CPZ: variants seen among roughly 807,000 people sequenced by gnomAD.
CPZ encodes VEZT/CPZ fusion.
In CPZ, 103 loss-of-function variants were observed where a neutral mutation model predicts 61.8. That is an observed-to-expected ratio of 1.67 (90% CI 1.42 to 1.96). CPZ has a LOEUF of 1.96. Ranked by LOEUF, CPZ falls within the 30% of genes most tolerant of loss-of-function variation. The pLI is 0.00. For missense variants in CPZ, 1,461 were observed against 914.9 expected, an observed-to-expected ratio of 1.60 and a Z score of -7.70; for synonymous variants, 551 against 373.7, an observed-to-expected ratio of 1.47 and a Z score of -5.47.
At position 8,601,472 on chromosome 4, in the gene CPZ, C is replaced by T; in HGVS notation, c.471C>T (p.Cys157=). 6.7e-7 allele frequency: 1 copy of T among 1,498,980 alleles called. No individual in the cohort carries two copies. The highest frequency in any genetic ancestry group is 8.9e-7 in the Non-Finnish European group (1 of 1,122,448). The allele number at this position is 1,498,980 out of a possible 1,614,324, so 92.9% of individuals were successfully genotyped here. ...ACTTCACGAGAGAGGACGAGGGCTG[C>T]TATGACCCGCTGGAGAAGCTTCGGG... ...HRYFTREDEG[C]YDPLEKLRGG... Residue 157 remains cysteine, a synonymous_variant, in exon 3 of 11, where the codon TGC becomes TGT. Transcript: ENST00000360986.
At chr4:8,604,265 G>C in intron 4 of CPZ, 77 bp downstream of exon 4, 1 of 1,376,636 alleles carries the variant, frequency 7.3e-7, no homozygotes, top group Non-Finnish European at 9.7e-7. Flanking sequence ...GGGTGCACAA[G>C]TTGGTGGGGT....
At position 8,601,126 on chromosome 4, in the gene CPZ, C is replaced by G. The variant is rs1485998716; in HGVS notation, c.125C>G (p.Thr42Ser). Residue 42 changes from threonine to serine, a missense_variant, in exon 3 of 11, where the codon ACC becomes AGC. Thr to Ser is a moderately conservative substitution (Grantham distance 58). Coordinates refer to ENST00000360986, the MANE Select transcript of CPZ (RefSeq NM_001014447.3). ...CHRPPAADSATCVDLQLRTCS... is the reference protein window; with the variant it reads ...CHRPPAADSASCVDLQLRTCS... Reference sequence around the variant, plus strand: ...CCTGCCGACCCTGCCTCCCCAGCCACCTGCGTGGACCTGCAGCTCAGGACC... The same window carrying G: ...CCTGCCGACCCTGCCTCCCCAGCCAGCTGCGTGGACCTGCAGCTCAGGACC... 1.9e-6 allele frequency: 3 copies of G among 1,566,802 alleles called. No individual in the cohort carries two copies. The highest frequency in any genetic ancestry group is 8.7e-7 in the Non-Finnish European group (1 of 1,150,408).
rs143201343 is a variant in CPZ at position 8,605,570 on chromosome 4, TCCATCCAG to T, written c.710-407_710-400del. 9.8e-3 allele frequency among the ~76,000 whole-genome samples: 1,473 copies of T among 150,880 alleles called. 19 individuals carry two copies. The highest frequency in any genetic ancestry group is 0.024 in the Middle Eastern group (7 of 286). The stretch of plus-strand genomic sequence containing the variant: ...CATTCATCCATCATTGATATATCTA[TCCATCCAG>T]CCATCCAGCCAGCCATTATTCATCC... On this transcript the variant is annotated intron_variant, in intron 4 of 10. Transcript: ENST00000360986.
At chr4:8,611,187 C>T (rs1411412972) in intron 7 of CPZ, 3 of 455,378 alleles carry the variant, frequency 6.6e-6, no homozygotes, top group Non-Finnish European at 1.3e-5. Flanking sequence ...TCAGCACAGA[C>T]CTGTCCTGCT....
intron 6 of CPZ, 88 bp downstream of exon 6, chr4:8,606,986 G>T: frequency 1.4e-6 from 2 of 1,424,302 alleles, no homozygotes; most frequent in Non-Finnish European, 1.9e-6. Context: ...GTCCTTCCCT[G>T]GGGACAGGAG....
intron 9 of CPZ, 96 bp downstream of exon 9, chr4:8,614,594 C>G (rs1445186946): frequency 1.1e-5 from 14 of 1,288,778 alleles, no homozygotes; most frequent in Non-Finnish European, 1.5e-5. Flanking sequence ...GCCTCACTGC[C>G]CCATACACAC....
chr4:8,606,060 C>G lies in CPZ; in HGVS notation c.781C>G (p.Leu261Val), dbSNP rs971507813. 1.2e-6 allele frequency: 2 copies of G among 1,614,216 alleles called. No individual in the cohort carries two copies. The highest frequency in any genetic ancestry group is 8.5e-7 in the Non-Finnish European group (1 of 1,180,026). The change falls in exon 5 of 11, where the codon CTA (leucine) becomes GTA (valine). Residue 261 changes from leucine (L) to valine (V), a missense_variant. By Grantham distance (32) the Leu-to-Val change is conservative (BLOSUM62 1). Coordinates refer to ENST00000360986, the MANE Select transcript of CPZ (RefSeq NM_001014447.3). ...EVAGREMLIY[L>V]AQYLCSEYLL... Reference sequence around the variant, plus strand: ...GGCGGGCCGGGAGATGCTCATCTACCTAGCCCAGTACCTGTGCTCTGAGTA... The same window carrying G: ...GGCGGGCCGGGAGATGCTCATCTACGTAGCCCAGTACCTGTGCTCTGAGTA...
Position 8,619,693 on chromosome 4 carries a change from G to T in CPZ, c.*76G>T, listed in dbSNP as rs61482103. On this transcript the variant is annotated 3_prime_UTR_variant, in exon 11 of 11. Transcript: ENST00000360986. ...TCCCGGGCTCCTGGCTCTTGATTTT[G>T]TCTGCCACAGACATCCCACAAAGCC... 6,853 of 1,154,866 alleles carry T rather than the reference G, an allele frequency of 5.9e-3. 326 individuals are homozygous for T. In the African/African-American group the frequency reaches 0.095, roughly 16 times the overall value. 71.5% of individuals were successfully genotyped at this position (1,154,866 alleles called of 1,614,324 possible).
intron 7 of CPZ, among the ~76,000 whole-genome samples, chr4:8,610,337 C>T (rs946932363): frequency 1.3e-5 from 2 of 152,224 alleles, no homozygotes; most frequent in Non-Finnish European, 2.9e-5. Context: ...ATCTGGGCCC[C>T]TGCACCCCAG....
chr4:8,599,210 C>T (rs1434901561), intron 1 of CPZ, among the ~76,000 whole-genome samples: 1 of 152,228 alleles, frequency 6.6e-6, no homozygotes, highest in Non-Finnish European at 1.5e-5. Context: ...GCCACTGACG[C>T]CTGCTGCTGC....
At chr4:8,594,524 C>T in intron 1 of CPZ, among the ~76,000 whole-genome samples, 1 of 152,186 alleles carries the variant, frequency 6.6e-6, no homozygotes, top group East Asian at 1.9e-4. Context: ...TGACCTCATT[C>T]AGGTCTCATC....
At chr4:8,594,594 C>G (rs576662835) in intron 1 of CPZ, among the ~76,000 whole-genome samples, 1 of 152,238 alleles carries the variant, frequency 6.6e-6, no homozygotes, top group African/African-American at 2.4e-5. Flanking sequence ...GGCTGTCACT[C>G]CCCTGTTGAA....
Position 8,619,604 on chromosome 4 carries a change from T to C in CPZ, c.1946T>C (p.Leu649Pro), listed in dbSNP as rs769428369. 2.0e-5 allele frequency: 30 copies of C among 1,505,334 alleles called. No individual in the cohort carries two copies. The highest frequency in any genetic ancestry group is 2.0e-4 in the Middle Eastern group (1 of 4,888). 93.2% of individuals were successfully genotyped at this position (1,505,334 alleles called of 1,614,324 possible). A position where few individuals can be genotyped will look rare whatever the true frequency, so the allele number is the denominator to read the frequency against. ...TSLSTHRPRW[L>P]LKY is the part of the protein sequence containing the mutation. ...CTGAGCACCCACAGGCCACGCTGGC[T>C]GCTCAAGTACTAGCCCCGGCCCCAG... is the stretch of plus-strand genomic sequence containing the variant. Residue 649 changes from leucine to proline, a missense_variant, in exon 11 of 11, where the codon CTG becomes CCG. Leu to Pro is a moderately conservative substitution (Grantham distance 98). Coordinates refer to ENST00000360986, the MANE Select transcript of CPZ (RefSeq NM_001014447.3).
intron 3 of CPZ, among the ~76,000 whole-genome samples, chr4:8,601,762 G>A (rs1405354041): frequency 2.0e-5 from 3 of 152,196 alleles, no homozygotes; most frequent in African/African-American, 7.2e-5. Flanking sequence ...AGGCTGGGGT[G>A]GAAGGGTGCT....
intron 7 of CPZ, 40 bp from the exon 8 acceptor site, chr4:8,611,987 A>AG: frequency 6.2e-7 from 1 of 1,613,076 alleles, no homozygotes; most frequent in Non-Finnish European, 8.5e-7. Flanking sequence ...GACGTCCTGC[A>AG]GGGGACCCTT....
Position 8,614,447 on chromosome 4 carries a change from G to A in CPZ, c.1452G>A (p.Leu484=). 2 of 1,614,044 alleles carry A rather than the reference G, an allele frequency of 1.2e-6. No homozygotes were observed. Among genetic ancestry groups the A allele is most frequent in the Non-Finnish European group, 1.7e-6 (2 of 1,179,974 alleles). Residue 484 remains leucine, a synonymous_variant, in exon 9 of 11, where the codon CTG becomes CTA. Coordinates refer to ENST00000360986, the MANE Select transcript of CPZ (RefSeq NM_001014447.3). ...TGAAGTTCCCCCCCGAGGAGGCCCTGTACATACTCTGGCAGCACAACAAGG... is the reference window on the plus strand; with the variant it reads ...TGAAGTTCCCCCCCGAGGAGGCCCTATACATACTCTGGCAGCACAACAAGG... The part of the protein sequence containing the change: ...GCVKFPPEEA[L]YILWQHNKES...
chr4:8,617,694 C>T (rs949152738), intron 9 of CPZ, among the ~76,000 whole-genome samples: 6 of 152,270 alleles, frequency 3.9e-5, no homozygotes, highest in South Asian at 4.1e-4. Context: ...CCTCGCTGGA[C>T]GGACTCCTCT....
intron 7 of CPZ, among the ~76,000 whole-genome samples, chr4:8,608,278 G>A (rs894559521): frequency 5.9e-5 from 9 of 152,016 alleles, no homozygotes; most frequent in Non-Finnish European, 1.2e-4. Flanking sequence ...CAGGCTTCGC[G>A]TGGAGAGCCA....
chr4:8,606,698 T>G (rs746004622), intron 5 of CPZ, 39 bp from the exon 6 acceptor site: 1 of 1,610,674 alleles, frequency 6.2e-7, no homozygotes, highest in African/African-American at 1.3e-5. Flanking sequence ...GGGTGGGGTG[T>G]GCTGACCCCA....
Sources: gnomAD v4.1 joint callset for allele counts (sites outside exome capture counted in the v4.1 genomes callset) on GRCh38, gnomAD v4.1.1 for gene constraint, MANE v1.5 for transcripts, NCBI Gene and HGNC (gene_info 2026-07-23, HGNC 2026-07-21) for gene names.